The following TRABD2B variants were observed in gnomAD, a reference collection of about 807,000 sequenced individuals.
TRABD2B encodes TraB domain containing 2B.
TRABD2B carries 14 observed loss-of-function variants against 40.1 expected under a neutral mutation model. That is an observed-to-expected ratio of 0.35 (90% CI 0.23 to 0.55). The LOEUF (loss-of-function observed/expected upper bound fraction) is 0.55. TRABD2B is among the 20% of genes least tolerant of loss of function. The probability of loss-of-function intolerance (pLI) is 0.90; values close to 1 mark genes in which losing one functional copy is unlikely to be tolerated. For synonymous variants in TRABD2B, 263 were observed against 277.0 expected, an observed-to-expected ratio of 0.95 and a Z score of 0.50; for missense variants, 541 against 648.6, an observed-to-expected ratio of 0.83 and a Z score of 1.80.
chr1:47,996,581 T>A lies in TRABD2B; in HGVS notation c.102+107A>T, dbSNP rs1422583931. On this transcript the variant is annotated intron_variant, in intron 1 of 6. Transcript: ENST00000606738. This position sits in a 1 kb window ranked among gnomAD's most constrained non-coding sequence, Gnocchi z 4.6. Reference sequence around the variant, plus strand: ...CGAGGCTGCGCCCGGGGGGTGGAGGTGGAGCGGGCGGGCTAAGGTGGGTGC... The same window carrying A: ...CGAGGCTGCGCCCGGGGGGTGGAGGAGGAGCGGGCGGGCTAAGGTGGGTGC... 3 of 1,146,708 alleles carry A rather than the reference T, an allele frequency of 2.6e-6. No individual in the cohort carries two copies. Among genetic ancestry groups the A allele is most frequent in the African/African-American group, 3.3e-5 (2 of 61,214 alleles). 71.0% of individuals were successfully genotyped at this position (1,146,708 alleles called of 1,614,324 possible). A position where few individuals can be genotyped will look rare whatever the true frequency, so the allele number is the denominator to read the frequency against.
intron 2 of TRABD2B, among the ~76,000 whole-genome samples, chr1:47,867,698 T>A (rs1644080029): frequency 6.6e-6 from 1 of 152,182 alleles, no homozygotes; most frequent in African/African-American, 2.4e-5. Flanking sequence ...ATGTTTAACT[T>A]TCGTCCTTTA....
intron 5 of TRABD2B, among the ~76,000 whole-genome samples, chr1:47,776,202 A>T (rs1644445235): frequency 6.6e-6 from 1 of 152,124 alleles, no homozygotes; most frequent in Non-Finnish European, 1.5e-5. Flanking sequence ...TTCCATTCAT[A>T]CATTCAATAC....
intron 2 of TRABD2B, among the ~76,000 whole-genome samples, chr1:47,958,928 C>T (rs554039398): frequency 6.6e-6 from 1 of 152,300 alleles, no homozygotes; most frequent in Non-Finnish European, 1.5e-5. Context: ...AGCACCACAT[C>T]ACACTTATTC....
chr1:47,791,796 C>G (rs980580121), intron 4 of TRABD2B, among the ~76,000 whole-genome samples: 24 of 152,216 alleles, frequency 1.6e-4, no homozygotes, highest in South Asian at 6.2e-4. Flanking sequence ...CATGCGGATG[C>G]GTTCCATGTC....
At chr1:47,815,260 C>T (rs1227895259) in intron 2 of TRABD2B, among the ~76,000 whole-genome samples, 1 of 152,228 alleles carries the variant, frequency 6.6e-6, no homozygotes, top group Non-Finnish European at 1.5e-5. Context: ...CACAGATCTG[C>T]TTACACTGCA....
intron 2 of TRABD2B, among the ~76,000 whole-genome samples, chr1:47,832,991 AT>A (rs1270285136): frequency 2.0e-5 from 3 of 152,140 alleles, no homozygotes; most frequent in Non-Finnish European, 4.4e-5. Flanking sequence ...CCTCCTGTTT[AT>A]TTTACAGCCA....
intron 2 of TRABD2B, among the ~76,000 whole-genome samples, chr1:47,957,403 A>G (rs1159151927): frequency 6.6e-6 from 1 of 152,206 alleles, no homozygotes; most frequent in Non-Finnish European, 1.5e-5. Context: ...GATCAGTAAT[A>G]ACAAATTTCT....
chr1:47,819,145 G>A (rs935872922), intron 2 of TRABD2B: 1 of 152,302 alleles, frequency 6.6e-6, no homozygotes, highest in Non-Finnish European at 1.5e-5. Flanking sequence ...CAATCTAGCA[G>A]GGCTAGGGCA....
At chr1:47,870,741 C>T (rs1644129270) in intron 2 of TRABD2B, among the ~76,000 whole-genome samples, 1 of 152,166 alleles carries the variant, frequency 6.6e-6, no homozygotes, top group Non-Finnish European at 1.5e-5. Flanking sequence ...CACAAGCCAG[C>T]ATGACCTACG....
intron 2 of TRABD2B, among the ~76,000 whole-genome samples, chr1:47,838,414 G>C (rs1280532583): frequency 3.3e-5 from 5 of 152,218 alleles, no homozygotes; most frequent in Non-Finnish European, 5.9e-5. Flanking sequence ...AGCAGGGTCT[G>C]CAGCCCAAGA....
At chr1:47,851,399 A>C (rs1416042135) in intron 2 of TRABD2B, among the ~76,000 whole-genome samples, 2 of 152,160 alleles carry the variant, frequency 1.3e-5, no homozygotes, top group Admixed American at 1.3e-4. Flanking sequence ...CCCCAACCTA[A>C]GGAGAGTCAC....
intron 2 of TRABD2B, among the ~76,000 whole-genome samples, chr1:47,929,343 A>G (rs1260993435): frequency 6.6e-6 from 1 of 152,136 alleles, no homozygotes; most frequent in Non-Finnish European, 1.5e-5. Context: ...CTGCTATTTT[A>G]GAGTCCCTGC....
chr1:47,961,702 G>A (rs1645518734), intron 2 of TRABD2B, among the ~76,000 whole-genome samples: 2 of 152,126 alleles, frequency 1.3e-5, no homozygotes, highest in South Asian at 4.1e-4. Flanking sequence ...TCATTAAAAA[G>A]TCAGGAAACA....
chr1:47,817,655 C>A (rs1051652041), intron 2 of TRABD2B, among the ~76,000 whole-genome samples: 26 of 152,260 alleles, frequency 1.7e-4, no homozygotes, highest in African/African-American at 6.0e-4. Flanking sequence ...GCTGGGGGAG[C>A]CCAACTCCAC....
At chr1:47,978,056 A>C (rs1480965511) in intron 2 of TRABD2B, among the ~76,000 whole-genome samples, 1 of 151,662 alleles carries the variant, frequency 6.6e-6, no homozygotes, top group Non-Finnish European at 1.5e-5. Flanking sequence ...TCCCTCCCCA[A>C]CCCCCAAATT....
At chr1:47,783,191 T>G (rs1644549638) in intron 4 of TRABD2B, among the ~76,000 whole-genome samples, 1 of 147,412 alleles carries the variant, frequency 6.8e-6, no homozygotes, top group Non-Finnish European at 1.5e-5. Flanking sequence ...AAAGGCAATG[T>G]GGAGAGAAAG....
chr1:47,951,445 T>A (rs1236618083), intron 2 of TRABD2B, among the ~76,000 whole-genome samples: 1 of 152,170 alleles, frequency 6.6e-6, no homozygotes, highest in African/African-American at 2.4e-5. Flanking sequence ...ACCCTGAGCC[T>A]AGAACAGACT....
intron 2 of TRABD2B, among the ~76,000 whole-genome samples, chr1:47,812,818 A>G (rs1644983169): frequency 6.6e-6 from 1 of 152,212 alleles, no homozygotes; most frequent in Non-Finnish European, 1.5e-5. Context: ...TCAGGGCTGG[A>G]AGACATTCAG....
At chr1:47,934,337 A>G (rs889608431) in intron 2 of TRABD2B, among the ~76,000 whole-genome samples, 13 of 151,736 alleles carry the variant, frequency 8.6e-5, no homozygotes, top group Non-Finnish European at 1.5e-4. Context: ...CCATTCCCAC[A>G]CCCCCTCCCA....
Sources: gnomAD v4.1 joint callset for allele counts (sites outside exome capture counted in the v4.1 genomes callset) on GRCh38, gnomAD v4.1.1 for gene constraint, Gnocchi (gnomAD v3.1) non-coding constraint, MANE v1.5 for transcripts, NCBI Gene and HGNC (gene_info 2026-07-23, HGNC 2026-07-21) for gene names.